The following TMEM132D variants were observed in gnomAD, a reference collection of about 807,000 sequenced individuals.
The protein encoded by TMEM132D is mature OL transmembrane protein.
A neutral mutation model predicts 62.3 loss-of-function variants in TMEM132D; 21 were observed. That is an observed-to-expected ratio of 0.34 (90% CI 0.24 to 0.49). The LOEUF (loss-of-function observed/expected upper bound fraction) is 0.49. Among genes scored for constraint, TMEM132D ranks in the 20% least tolerant of loss-of-function variants. The pLI, the probability that TMEM132D is intolerant of heterozygous loss-of-function variation, is 0.99. For missense variants in TMEM132D, 1,346 were observed against 1,402.8 expected, an observed-to-expected ratio of 0.96 and a Z score of 0.65; for synonymous variants, 621 against 575.6, an observed-to-expected ratio of 1.08 and a Z score of -1.13.
chr12:129,130,732 G>GA (rs1876351636), intron 5 of TMEM132D, among the ~76,000 whole-genome samples: 1 of 152,128 alleles, frequency 6.6e-6, no homozygotes, highest in African/African-American at 2.4e-5. Flanking sequence ...GGGAGGCTTT[G>GA]AAATGCCATG....
intron 1 of TMEM132D, among the ~76,000 whole-genome samples, chr12:129,712,835 A>G (rs1481626902): frequency 7.2e-5 from 11 of 152,164 alleles, no homozygotes; most frequent in South Asian, 4.1e-4. Flanking sequence ...AGCAGACTGG[A>G]CAGCTGCAGC....
At chr12:129,549,345 C>G (rs922412937) in intron 2 of TMEM132D, among the ~76,000 whole-genome samples, 37 of 151,736 alleles carry the variant, frequency 2.4e-4, no homozygotes, top group African/African-American at 8.5e-4. Flanking sequence ...CAAATCTCAT[C>G]TTGAATTGTA....
At chr12:129,714,436 A>G (rs146360336) in intron 1 of TMEM132D, among the ~76,000 whole-genome samples, 1 of 152,166 alleles carries the variant, frequency 6.6e-6, no homozygotes, top group African/African-American at 2.4e-5. Context: ...CAGGGCACAG[A>G]TGGACACTGG....
chr12:129,268,028 T>A (rs1880743400), intron 4 of TMEM132D, among the ~76,000 whole-genome samples: 1 of 152,206 alleles, frequency 6.6e-6, no homozygotes, highest in Admixed American at 6.5e-5. Context: ...TATACAAAAA[T>A]CAATTCAAGA....
intron 3 of TMEM132D, among the ~76,000 whole-genome samples, chr12:129,395,108 A>G (rs1871385797): frequency 6.6e-6 from 1 of 152,206 alleles, no homozygotes; most frequent in South Asian, 2.1e-4. Context: ...AACTTCCATC[A>G]GCAAATATAA....
At chr12:129,896,647 A>T (rs1398243592) in intron 1 of TMEM132D, among the ~76,000 whole-genome samples, 1 of 152,186 alleles carries the variant, frequency 6.6e-6, no homozygotes, top group African/African-American at 2.4e-5. Flanking sequence ...GAATAACTTA[A>T]TGTCACTAAA....
At chr12:129,439,593 G>A (rs926444528) in intron 3 of TMEM132D, among the ~76,000 whole-genome samples, 3 of 152,036 alleles carry the variant, frequency 2.0e-5, no homozygotes, top group African/African-American at 7.2e-5. Flanking sequence ...GAGAACAGGT[G>A]CCCGCCATCA....
In TMEM132D at chr12:129,134,609, A is replaced by G. The variant is rs558460593; in HGVS notation, c.1444-49907T>C. On this transcript the variant is annotated intron_variant, in intron 5 of 8. Transcript: ENST00000422113. Reference sequence around the variant, plus strand: ...ACTAGTGTGTGAAATAATTTATATTATTCTCCCCATTTAATAATTAAAAAA... The same window carrying G: ...ACTAGTGTGTGAAATAATTTATATTGTTCTCCCCATTTAATAATTAAAAAA... Among the ~76,000 whole-genome samples, 21 of 152,282 alleles carry G rather than the reference A, an allele frequency of 1.4e-4. No homozygotes were observed. The East Asian group carries it at 3.9e-3, about 28-fold the overall frequency.
chr12:129,417,962 C>T (rs1302226020), intron 3 of TMEM132D, among the ~76,000 whole-genome samples: 1 of 152,246 alleles, frequency 6.6e-6, no homozygotes, highest in African/African-American at 2.4e-5. Context: ...CTCATCGTCA[C>T]TGGTCATTAG....
chr12:129,244,254 C>T (rs532206168), intron 4 of TMEM132D, among the ~76,000 whole-genome samples: 5 of 151,652 alleles, frequency 3.3e-5, no homozygotes, highest in Admixed American at 6.6e-5. Context: ...GGTGTGGTGG[C>T]GGGCGCCTGT....
At chr12:129,886,999 A>G (rs973720216) in intron 1 of TMEM132D, among the ~76,000 whole-genome samples, 1 of 151,834 alleles carries the variant, frequency 6.6e-6, no homozygotes, top group Non-Finnish European at 1.5e-5. Flanking sequence ...AGTCAATTAA[A>G]CCTCTTTCCT....
At chr12:129,322,937 A>G (rs1042512281) in intron 4 of TMEM132D, among the ~76,000 whole-genome samples, 16 of 152,214 alleles carry the variant, frequency 1.1e-4, no homozygotes, top group African/African-American at 3.6e-4. Flanking sequence ...TTGTCTTATT[A>G]TACTTGCATA....
intron 5 of TMEM132D, among the ~76,000 whole-genome samples, chr12:129,179,329 TTTTTTG>T (rs1877999853): frequency 7.8e-6 from 1 of 128,894 alleles, no homozygotes; most frequent in Non-Finnish European, 1.6e-5. Context: ...TTTTTTTTTG[TTTTTTG>T]TTTTTTGTTT....
chr12:129,516,960 TACCACATCTCCTACTTCTGAC>T (rs747074702), intron 3 of TMEM132D, among the ~76,000 whole-genome samples: 6 of 152,142 alleles, frequency 3.9e-5, no homozygotes, highest in Admixed American at 6.5e-5. Flanking sequence ...CCAGTTCCAT[TACCACATCTCCTACTTCTGAC>T]ACCAAATCTC....
intron 5 of TMEM132D, among the ~76,000 whole-genome samples, chr12:129,142,519 T>C (rs1377469193): frequency 6.6e-6 from 1 of 152,252 alleles, no homozygotes; most frequent in Non-Finnish European, 1.5e-5. Flanking sequence ...TCTGATATAG[T>C]AGACTTGTGA....
intron 4 of TMEM132D, among the ~76,000 whole-genome samples, chr12:129,221,367 T>C (rs1879341472): frequency 6.6e-6 from 1 of 152,198 alleles, no homozygotes; most frequent in South Asian, 2.1e-4. Context: ...GCAATGTGAT[T>C]TGGGAGCAAG....
chr12:129,513,140 C>T (rs566408209), intron 3 of TMEM132D, among the ~76,000 whole-genome samples: 1 of 152,290 alleles, frequency 6.6e-6, no homozygotes, highest in South Asian at 2.1e-4. Flanking sequence ...AGCTCAAGGG[C>T]ATGGCCCTGG....
chr12:129,612,242 G>A (rs548335160), intron 2 of TMEM132D, among the ~76,000 whole-genome samples: 55 of 152,264 alleles, frequency 3.6e-4, no homozygotes, highest in African/African-American at 9.6e-4. Flanking sequence ...ACTAAGGGGA[G>A]GAATTCCCTG....
chr12:129,496,787 T>C lies in TMEM132D; in HGVS notation c.1115+34272A>G, dbSNP rs527778118. Among the ~76,000 whole-genome samples the C allele has an allele frequency of 3.6e-4, 55 of 152,272 alleles. 1 individual carries two copies. Among genetic ancestry groups the C allele is most frequent in the African/African-American group, 1.2e-3 (50 of 41,572 alleles). On this transcript the variant is annotated intron_variant, in intron 3 of 8. Transcript: ENST00000422113. ...ACCGAACCAGAAGTGCAGAAGACGA[T>C]TGACAATCACTCGTGCTCACTAATT...
Sources: allele counts gnomAD v4.1 joint callset (sites outside exome capture counted in the v4.1 genomes callset), GRCh38; gene constraint gnomAD v4.1.1; transcripts MANE v1.5; gene names NCBI Gene and HGNC (gene_info 2026-07-23, HGNC 2026-07-21).